PTPRE: variants seen among roughly 807,000 people sequenced by gnomAD.
PTPRE encodes receptor-type tyrosine-protein phosphatase epsilon.
In PTPRE, 51 loss-of-function variants were observed where a neutral mutation model predicts 102.0. The observed-to-expected ratio is 0.50, with a 90% CI of 0.40 to 0.63. The LOEUF (loss-of-function observed/expected upper bound fraction) is 0.63, where lower values mean the gene tolerates loss of function less well. Ranked by LOEUF, PTPRE falls within the 30% of genes least tolerant of loss-of-function variation. The pLI is 0.00. For missense variants in PTPRE, 752 were observed against 915.1 expected (o/e 0.82, Z 2.30); for synonymous variants, 345 against 348.2 (o/e 0.99, Z 0.10).
chr10:128,077,901 T>A (rs936764927), intron 19 of PTPRE, 118 bp downstream of exon 19: 5 of 1,185,864 alleles, frequency 4.2e-6, no homozygotes, highest in Middle Eastern at 2.2e-4. Flanking sequence ...TTCCCTAGAG[T>A]CTCCTCTCTA....
At chr10:128,069,316 A>G (rs1850551667) in intron 12 of PTPRE, 1 of 180,558 alleles carries the variant, frequency 5.5e-6, no homozygotes, top group Non-Finnish European at 1.2e-5. Context: ...GAGGCTGGAT[A>G]CCAGAGCTGT....
Position 128,042,850 on chromosome 10 carries a change from G to T in PTPRE, c.109+1860G>T, listed in dbSNP as rs1038438870. 2.0e-5 allele frequency among the ~76,000 whole-genome samples: 3 copies of T among 152,134 alleles called. 1 individual carries two copies. Among genetic ancestry groups the T allele is most frequent in the South Asian group, 4.1e-4 (2 of 4,836 alleles). ...AAATGTTATCTATAAAAAATAATAC[G>T]TAAAAGAACACAGTCGAAAAATGAG... On this transcript the variant is annotated intron_variant, in intron 3 of 20. Coordinates refer to ENST00000254667, the MANE Select transcript of PTPRE (RefSeq NM_006504.6).
chr10:127,981,977 A>G (rs139487625), intron 1 of PTPRE, among the ~76,000 whole-genome samples: 212 of 152,300 alleles, frequency 1.4e-3, no homozygotes, highest in African/African-American at 4.7e-3. Context: ...AGGGAACCCT[A>G]TAGGCCACAG....
At chr10:127,960,401 A>G (rs1198045691) in intron 1 of PTPRE, among the ~76,000 whole-genome samples, 1 of 152,246 alleles carries the variant, frequency 6.6e-6, no homozygotes, top group Non-Finnish European at 1.5e-5. Flanking sequence ...GTTCATTTGC[A>G]AGATCCTTTG....
chr10:128,023,582 G>T lies in PTPRE; in HGVS notation c.-7-17293G>T, dbSNP rs561860714. On this transcript the variant is annotated intron_variant, in intron 2 of 20. Coordinates refer to ENST00000254667, the MANE Select transcript of PTPRE (RefSeq NM_006504.6). Reference sequence around the variant, plus strand: ...GCCCAATTTGGAAAATAAACTTTACGTAGGTACATATGTATAGGAAAAAGC... The same window carrying T: ...GCCCAATTTGGAAAATAAACTTTACTTAGGTACATATGTATAGGAAAAAGC... Among the ~76,000 whole-genome samples the T allele has an allele frequency of 2.0e-5, 3 of 152,274 alleles. No individual in the cohort carries two copies. In the South Asian group the frequency reaches 6.2e-4, roughly 32 times the overall value.
chr10:128,025,550 G>A (rs534172892), intron 2 of PTPRE, among the ~76,000 whole-genome samples: 47 of 152,294 alleles, frequency 3.1e-4, no homozygotes, highest in Non-Finnish European at 4.4e-4. Context: ...AGGCCTGGGC[G>A]TCAGAGCCGG....
intron 2 of PTPRE, among the ~76,000 whole-genome samples, chr10:128,039,319 T>C (rs1243265954): frequency 6.6e-6 from 1 of 152,192 alleles, no homozygotes; most frequent in East Asian, 1.9e-4. Flanking sequence ...AGCCTGACTT[T>C]GGGCCAGTTC....
intron 2 of PTPRE, among the ~76,000 whole-genome samples, chr10:128,002,897 G>T (rs1330631522): frequency 6.6e-6 from 1 of 151,872 alleles, no homozygotes; most frequent in African/African-American, 2.4e-5. Flanking sequence ...GTCTCACTTT[G>T]TCACCCAGGC....
intron 1 of PTPRE, among the ~76,000 whole-genome samples, chr10:127,963,653 C>T (rs557410484): frequency 5.3e-5 from 8 of 151,822 alleles, no homozygotes; most frequent in African/African-American, 1.7e-4. Context: ...CTGTTTCCTC[C>T]GATCTCACCT....
chr10:127,947,369 GTCT>G (rs1460638708), intron 1 of PTPRE, among the ~76,000 whole-genome samples: 2 of 152,176 alleles, frequency 1.3e-5, no homozygotes, highest in Admixed American at 6.5e-5. Context: ...TCCCCTGATT[GTCT>G]TCTTCAACTG....
chr10:128,045,667 C>CA (rs547578120), intron 3 of PTPRE, among the ~76,000 whole-genome samples: 427 of 152,288 alleles, frequency 2.8e-3, no homozygotes, highest in Non-Finnish European at 4.4e-3. Context: ...TGCTCCAGGG[C>CA]CCTGGCAGAG....
intron 2 of PTPRE, chr10:127,987,508 G>T (rs945039175): frequency 6.6e-5 from 28 of 425,570 alleles, no homozygotes; most frequent in African/African-American, 4.8e-4. Flanking sequence ...TACCAGGAAG[G>T]CGTCGTTAAA....
At chr10:128,048,839 C>T (rs1288054929) in intron 5 of PTPRE, among the ~76,000 whole-genome samples, 2 of 152,080 alleles carry the variant, frequency 1.3e-5, no homozygotes, top group African/African-American at 4.8e-5. Context: ...GGGACAGGCC[C>T]TTTTGCAAGT....
At chr10:127,967,232 G>A (rs1255557676) in intron 1 of PTPRE, among the ~76,000 whole-genome samples, 1 of 152,110 alleles carries the variant, frequency 6.6e-6, no homozygotes, top group African/African-American at 2.4e-5. Context: ...AGAGTAAAAA[G>A]CAATACCCAC....
intron 1 of PTPRE, among the ~76,000 whole-genome samples, chr10:127,922,378 A>AG (rs1288394422): frequency 6.6e-6 from 1 of 152,214 alleles, no homozygotes; most frequent in Non-Finnish European, 1.5e-5. Flanking sequence ...CAGTCCCGTA[A>AG]GGGGCTGTCT....
At chr10:128,060,349 AACAGGCTGGATCT>A in intron 7 of PTPRE, among the ~76,000 whole-genome samples, 1 of 152,294 alleles carries the variant, frequency 6.6e-6, no homozygotes, top group African/African-American at 2.4e-5. Flanking sequence ...CTGCTTGTGC[AACAGGCTGGATCT>A]ACCAGACGCT....
At position 128,070,782 on chromosome 10, in the gene PTPRE, T is replaced by C. The variant is rs1225375439; in HGVS notation, c.1294-26T>C. ...CTCAGGAGTGTCAGAGGTTTAACTG[T>C]GTCATTATATCCTTCTCTGCTGCAG... On this transcript the variant is annotated intron_variant, in intron 14 of 20. Transcript: ENST00000254667. The surrounding 1 kb of genome is among the most constrained non-coding windows in gnomAD (Gnocchi z 4.8). 3.1e-6 allele frequency: 5 copies of C among 1,600,922 alleles called. No homozygotes were observed. The highest frequency in any genetic ancestry group is 4.5e-5 in the East Asian group (2 of 44,820).
At chr10:128,027,123 G>A (rs1051156228) in intron 2 of PTPRE, among the ~76,000 whole-genome samples, 5 of 152,196 alleles carry the variant, frequency 3.3e-5, no homozygotes, top group African/African-American at 4.8e-5. Context: ...TCCTAGAGAG[G>A]GTATTAGCAG....
intron 1 of PTPRE, among the ~76,000 whole-genome samples, chr10:127,957,226 T>A (rs1849468322): frequency 6.6e-6 from 1 of 152,208 alleles, no homozygotes; most frequent in Admixed American, 6.5e-5. Flanking sequence ...AGGTCTATGA[T>A]CTATTTTGAG....
Sources: allele counts gnomAD v4.1 joint callset (sites outside exome capture counted in the v4.1 genomes callset), GRCh38; gene constraint gnomAD v4.1.1; non-coding constraint Gnocchi (gnomAD v3.1); transcripts MANE v1.5; gene names NCBI Gene and HGNC (gene_info 2026-07-23, HGNC 2026-07-21).